The following CHKA variants were observed in gnomAD, a reference collection of about 807,000 sequenced individuals.
CHKA encodes CHETK-alpha.
A neutral mutation model predicts 60.1 loss-of-function variants in CHKA; 34 were observed. The observed-to-expected ratio is 0.57, with a 90% CI of 0.43 to 0.75. The LOEUF is 0.75. CHKA is among the 30% of genes least tolerant of loss of function. The pLI is 0.00. For missense variants in CHKA, 563 were observed against 561.3 expected (o/e 1.00, Z -0.03); for synonymous variants, 217 against 223.1 (o/e 0.97, Z 0.24).
intron 2 of CHKA, among the ~76,000 whole-genome samples, chr11:68,095,133 G>A (rs1313681699): frequency 2.0e-5 from 3 of 151,982 alleles, no homozygotes; most frequent in African/African-American, 4.8e-5. Flanking sequence ...GGCCAGGCGC[G>A]GTGGCTCATG....
At chr11:68,073,713 C>A (rs773280918) in intron 4 of CHKA, among the ~76,000 whole-genome samples, 5 of 152,118 alleles carry the variant, frequency 3.3e-5, no homozygotes, top group Non-Finnish European at 7.4e-5. Flanking sequence ...AAACCCCTGC[C>A]CCTGGTCCCC....
chr11:68,088,361 C>A (rs1857253812), intron 2 of CHKA, among the ~76,000 whole-genome samples: 1 of 152,094 alleles, frequency 6.6e-6, no homozygotes, highest in East Asian at 1.9e-4. Context: ...GTGGCATGAA[C>A]TTCTTTACTG....
chr11:68,057,938 C>T (rs1430649566), intron 11 of CHKA, among the ~76,000 whole-genome samples: 2 of 152,064 alleles, frequency 1.3e-5, no homozygotes, highest in African/African-American at 2.4e-5. Context: ...GCTCTGTTGC[C>T]CAGGCTGGAG....
chr11:68,089,663 A>G (rs1857290456), intron 2 of CHKA, among the ~76,000 whole-genome samples: 1 of 152,242 alleles, frequency 6.6e-6, no homozygotes, highest in East Asian at 1.9e-4. Flanking sequence ...CTGAAATCTT[A>G]ATCACTGTAC....
In CHKA at chr11:68,070,781, T is replaced by C; in HGVS notation, c.707A>G (p.His236Arg). ...CTTATTGAATGGCATTTTCATACCATGAAATGTAGCCATTTTCTCGGCGAT... is the reference window on the plus strand; with the variant it reads ...CTTATTGAATGGCATTTTCATACCACGAAATGTAGCCATTTTCTCGGCGAT... ...AEIAEKMATF[H>R]GMKMPFNKEP... The change falls in exon 5 of 12, where the codon CAT becomes CGT. Residue 236 changes from histidine to arginine, a missense_variant. Coordinates refer to ENST00000265689, the MANE Select transcript of CHKA (RefSeq NM_001277.3). 6.2e-7 allele frequency: 1 copy of C among 1,613,654 alleles called. No individual in the cohort carries two copies. Among genetic ancestry groups the C allele is most frequent in the Non-Finnish European group, 8.5e-7 (1 of 1,179,550 alleles).
chr11:68,065,338 G>C (rs991253497), intron 9 of CHKA, among the ~76,000 whole-genome samples: 1 of 152,176 alleles, frequency 6.6e-6, no homozygotes, highest in African/African-American at 2.4e-5. Flanking sequence ...TCAAGTTTGT[G>C]TCTACATTTA....
intron 2 of CHKA, among the ~76,000 whole-genome samples, chr11:68,088,105 T>G (rs1857240204): frequency 1.3e-5 from 1 of 78,004 alleles, no homozygotes; most frequent in African/African-American, 5.0e-5. Flanking sequence ...AGTGGGAGGC[T>G]GTCTCAAAAA....
At chr11:68,081,542 GT>G (rs1856988620) in intron 2 of CHKA, 85 bp from the exon 3 acceptor site, 1 of 1,108,826 alleles carries the variant, frequency 9.0e-7, no homozygotes, top group Non-Finnish European at 1.4e-6. Context: ...AACAGTCAGG[GT>G]TTACAAAACA....
chr11:68,088,078 A>G (rs913542787), intron 2 of CHKA, among the ~76,000 whole-genome samples: 1 of 129,808 alleles, frequency 7.7e-6, no homozygotes, highest in Admixed American at 9.8e-5. Context: ...ACGCCATTGC[A>G]CTCTAGCTTG....
chr11:68,115,845 C>G (rs1486346172), intron 1 of CHKA, among the ~76,000 whole-genome samples: 1 of 152,040 alleles, frequency 6.6e-6, no homozygotes, highest in East Asian at 1.9e-4. Flanking sequence ...TGTTTCTGTT[C>G]TTATATGTAA....
chr11:68,100,091 AAAT>A (rs547313163), intron 1 of CHKA, among the ~76,000 whole-genome samples: 21 of 152,242 alleles, frequency 1.4e-4, no homozygotes, highest in Non-Finnish European at 2.1e-4. Context: ...CCAATGAGTC[AAAT>A]AATAATATGA....
chr11:68,118,875 C>T (rs142490418), intron 1 of CHKA, among the ~76,000 whole-genome samples: 149 of 152,314 alleles, frequency 9.8e-4, no homozygotes, highest in African/African-American at 3.6e-3. Context: ...CTGGAGAAAG[C>T]CATGAAAATA....
At chr11:68,100,159 A>G (rs1050215573) in intron 1 of CHKA, among the ~76,000 whole-genome samples, 34 of 152,362 alleles carry the variant, frequency 2.2e-4, no homozygotes, top group African/African-American at 6.0e-4. Context: ...GCAAAAATGT[A>G]ACAGTTCAAT....
intron 4 of CHKA, among the ~76,000 whole-genome samples, chr11:68,072,864 G>A (rs558102418): frequency 3.3e-5 from 5 of 152,020 alleles, no homozygotes; most frequent in Admixed American, 6.6e-5. Context: ...GTGTGCTGGT[G>A]TGCACCTGTA....
intron 11 of CHKA, among the ~76,000 whole-genome samples, chr11:68,061,095 G>GTTTT (rs757176198): frequency 1.7e-4 from 12 of 70,844 alleles, no homozygotes; most frequent in Non-Finnish European, 2.3e-4. Flanking sequence ...GTCAGTGACA[G>GTTTT]TTTTTTTTTT....
intron 2 of CHKA, among the ~76,000 whole-genome samples, chr11:68,090,812 C>T (rs1399625055): frequency 6.6e-6 from 1 of 152,194 alleles, no homozygotes; most frequent in Non-Finnish European, 1.5e-5. Flanking sequence ...GTATTATAAA[C>T]GTTCATGCCT....
chr11:68,099,660 G>A (rs1382660696), intron 1 of CHKA, among the ~76,000 whole-genome samples: 1 of 152,204 alleles, frequency 6.6e-6, no homozygotes, highest in African/African-American at 2.4e-5. Context: ...CCTCAACTGT[G>A]TGGCTTATCA....
chr11:68,116,279 T>C lies in CHKA; in HGVS notation c.350+4549A>G, dbSNP rs571012532. 5.3e-5 allele frequency among the ~76,000 whole-genome samples: 8 copies of C among 152,244 alleles called. No individual in the cohort carries two copies. The South Asian group carries it at 1.5e-3, about 28-fold the overall frequency. On this transcript the variant is annotated intron_variant, in intron 1 of 11. Coordinates refer to ENST00000265689, the MANE Select transcript of CHKA (RefSeq NM_001277.3). ...TGACCTTATCAATCAGCAATGAAAA[T>C]AACAAACTCTAAGCTGGGTGTGGTG...
chr11:68,084,452 G>A (rs374260103), intron 2 of CHKA, among the ~76,000 whole-genome samples: 11 of 139,478 alleles, frequency 7.9e-5, no homozygotes, highest in Admixed American at 2.2e-4. Context: ...ATATATGTGT[G>A]TATATATATA....
Sources: allele counts gnomAD v4.1 joint callset (sites outside exome capture counted in the v4.1 genomes callset), GRCh38; gene constraint gnomAD v4.1.1; transcripts MANE v1.5; gene names NCBI Gene and HGNC (gene_info 2026-07-23, HGNC 2026-07-21).